The following SPPL3 variants were observed in gnomAD, a reference collection of about 807,000 sequenced individuals.
SPPL3 encodes signal peptide peptidase-like 3.
In SPPL3, 5 loss-of-function variants were observed where a neutral mutation model predicts 42.4. That is an observed-to-expected ratio of 0.12 (90% CI 0.06 to 0.25). The LOEUF (loss-of-function observed/expected upper bound fraction) is 0.25. Ranked by LOEUF, SPPL3 falls within the 10% of genes least tolerant of loss-of-function variation. SPPL3 has a pLI of 1.00. For synonymous variants in SPPL3, 195 were observed against 181.8 expected (o/e 1.07, Z -0.58); for missense variants, 235 against 489.0 (o/e 0.48, Z 4.90).
chr12:120,832,323 C>T (rs1232558811), intron 1 of SPPL3, among the ~76,000 whole-genome samples: 1 of 152,104 alleles, frequency 6.6e-6, no homozygotes, highest in East Asian at 1.9e-4. Flanking sequence ...TATTTTCTGA[C>T]TCTAATATTA....
intron 6 of SPPL3, among the ~76,000 whole-genome samples, chr12:120,772,603 G>T (rs1233694554): frequency 6.6e-6 from 1 of 152,184 alleles, no homozygotes; most frequent in East Asian, 1.9e-4. Flanking sequence ...CATATGAACA[G>T]ATATATTTCA....
intron 1 of SPPL3, among the ~76,000 whole-genome samples, chr12:120,837,449 A>G (rs1303051141): frequency 6.6e-6 from 1 of 152,256 alleles, no homozygotes; most frequent in Non-Finnish European, 1.5e-5. Flanking sequence ...GTCTTCAATT[A>G]GCTGAAATAC....
intron 1 of SPPL3, among the ~76,000 whole-genome samples, chr12:120,899,112 A>G (rs1207248126): frequency 6.6e-6 from 1 of 152,250 alleles, no homozygotes; most frequent in Non-Finnish European, 1.5e-5. Context: ...TTTCACATGC[A>G]TTCTTTTACT....
chr12:120,833,573 T>C (rs1410147931), intron 1 of SPPL3, among the ~76,000 whole-genome samples: 1 of 146,920 alleles, frequency 6.8e-6, no homozygotes, highest in Non-Finnish European at 1.5e-5. Context: ...CTCATGCCTA[T>C]AATTCCAGCC....
intron 1 of SPPL3, among the ~76,000 whole-genome samples, chr12:120,878,334 T>G (rs1291192739): frequency 6.6e-6 from 1 of 152,140 alleles, no homozygotes; most frequent in East Asian, 1.9e-4. Context: ...AACAAGATAC[T>G]TTACGGAACT....
chr12:120,847,709 G>A (rs1012107439), intron 1 of SPPL3, among the ~76,000 whole-genome samples: 1 of 152,070 alleles, frequency 6.6e-6, no homozygotes, highest in African/African-American at 2.4e-5. Context: ...AGGATTACAG[G>A]TGTGAGCCAC....
At chr12:120,887,666 C>G (rs1207721477) in intron 1 of SPPL3, among the ~76,000 whole-genome samples, 3 of 152,180 alleles carry the variant, frequency 2.0e-5, no homozygotes, top group Non-Finnish European at 4.4e-5. Context: ...TTGTTCTTGA[C>G]ACAAGATTTT....
At chr12:120,846,168 G>A (rs1258655203) in intron 1 of SPPL3, among the ~76,000 whole-genome samples, 1 of 152,072 alleles carries the variant, frequency 6.6e-6, no homozygotes, top group Non-Finnish European at 1.5e-5. Flanking sequence ...GTGAGAGCAG[G>A]GGCCTTGATG....
chr12:120,770,590 G>A (rs1000454125), intron 6 of SPPL3, among the ~76,000 whole-genome samples: 5 of 152,118 alleles, frequency 3.3e-5, no homozygotes, highest in Admixed American at 3.3e-4. Context: ...GCAGCAACCC[G>A]CCCAGCTAAT....
chr12:120,826,915 TGA>T (rs1025902536), intron 1 of SPPL3, among the ~76,000 whole-genome samples: 82 of 152,082 alleles, frequency 5.4e-4, no homozygotes, highest in African/African-American at 2.0e-3. Context: ...CTGACAAAAT[TGA>T]GACATTCATA....
At chr12:120,789,896 C>A (rs1042045278) in intron 3 of SPPL3, among the ~76,000 whole-genome samples, 4 of 146,722 alleles carry the variant, frequency 2.7e-5, no homozygotes, top group South Asian at 4.3e-4. Context: ...CGGACTGGCA[C>A]AACCATTTCT....
At chr12:120,888,811 T>C (rs1263312391) in intron 1 of SPPL3, among the ~76,000 whole-genome samples, 1 of 152,182 alleles carries the variant, frequency 6.6e-6, no homozygotes, top group Non-Finnish European at 1.5e-5. Flanking sequence ...GAATTATATC[T>C]TATATTTTAT....
At chr12:120,806,894 C>T (rs557747481) in intron 2 of SPPL3, among the ~76,000 whole-genome samples, 3 of 151,344 alleles carry the variant, frequency 2.0e-5, no homozygotes, top group African/African-American at 7.3e-5. Context: ...AATCCTTGTA[C>T]CCATGTACCA....
At chr12:120,899,877 A>G (rs1593018264) in intron 1 of SPPL3, among the ~76,000 whole-genome samples, 1 of 125,910 alleles carries the variant, frequency 7.9e-6, no homozygotes, top group East Asian at 2.3e-4. Flanking sequence ...CGACAGAGCA[A>G]GACCCTGTCT....
At chr12:120,855,694 CAA>C (rs112178601) in intron 1 of SPPL3, among the ~76,000 whole-genome samples, 3 of 138,390 alleles carry the variant, frequency 2.2e-5, no homozygotes, top group Admixed American at 7.3e-5. Flanking sequence ...GACTCCATCT[CAA>C]AAAAAAAAAA....
intron 1 of SPPL3, chr12:120,845,078 G>A (rs1023802413): frequency 7.2e-5 from 25 of 347,082 alleles, no homozygotes; most frequent in South Asian, 6.5e-4. Context: ...AAAGCAGAGG[G>A]CAAGAGGAGT....
chr12:120,773,945 A>C (rs1224792324), intron 6 of SPPL3, among the ~76,000 whole-genome samples: 3 of 152,158 alleles, frequency 2.0e-5, no homozygotes, highest in Admixed American at 2.0e-4. Flanking sequence ...GAATCACTTC[A>C]TCCTAACTGC....
chr12:120,868,464 T>C (rs1872823513), intron 1 of SPPL3, among the ~76,000 whole-genome samples: 1 of 26,302 alleles, frequency 3.8e-5, no homozygotes, highest in African/African-American at 5.3e-5. Flanking sequence ...AATTTCTTTT[T>C]TCTTTTTTTT....
At chr12:120,828,817 C>T (rs756123564) in intron 1 of SPPL3, among the ~76,000 whole-genome samples, 38 of 152,126 alleles carry the variant, frequency 2.5e-4, no homozygotes, top group African/African-American at 8.7e-4. Flanking sequence ...GGTGCAGTGG[C>T]GTGATCACAG....
Sources: allele counts gnomAD v4.1 joint callset (sites outside exome capture counted in the v4.1 genomes callset), GRCh38; gene constraint gnomAD v4.1.1; transcripts MANE v1.5; gene names NCBI Gene and HGNC (gene_info 2026-07-23, HGNC 2026-07-21).